Variants in SYNE3 observed in about 807,000 individuals in gnomAD.
The protein encoded by SYNE3 is spectrin repeat containing nuclear envelope family member 3, also known as nesprin-3.
SYNE3 carries 100 observed loss-of-function variants against 111.2 expected under a neutral mutation model. The ratio of observed to expected loss-of-function variants is 0.90; its 90% CI spans 0.77 to 1.06. SYNE3 has a LOEUF of 1.06. SYNE3 is among the 50% of genes least tolerant of loss of function. The probability of loss-of-function intolerance (pLI) is 0.00; values close to 1 mark genes in which losing one functional copy is unlikely to be tolerated. For synonymous variants in SYNE3, 547 were observed against 533.9 expected (o/e 1.02, Z -0.34); for missense variants, 1,160 against 1,240.3 (o/e 0.94, Z 0.97).
intron 1 of SYNE3, among the ~76,000 whole-genome samples, chr14:95,501,520 T>C (rs11160252): frequency 0.18 from 27,348 of 152,126 alleles, 2,635 homozygotes; most frequent in African/African-American, 0.21. Flanking sequence ...AGACCTGCCC[T>C]CGAGGAGCTC....
At chr14:95,450,412 C>CCTG in intron 7 of SYNE3, 1 of 323,082 alleles carries the variant, frequency 3.1e-6, no homozygotes, top group Non-Finnish European at 5.7e-6. Context: ...CGGTGGCTCA[C>CCTG]ACCTGTAGTC....
intron 17 of SYNE3, among the ~76,000 whole-genome samples, chr14:95,430,411 T>G (rs1885691450): frequency 6.6e-6 from 1 of 152,152 alleles, no homozygotes; most frequent in Admixed American, 6.5e-5. Flanking sequence ...TGTTTGTTAT[T>G]CTAAACTGGG....
chr14:95,493,776 C>A (rs1283469280), intron 1 of SYNE3, among the ~76,000 whole-genome samples: 1 of 152,182 alleles, frequency 6.6e-6, no homozygotes, highest in Non-Finnish European at 1.5e-5. Context: ...TAGCCTTGAG[C>A]GCCAGGGTTC....
At chr14:95,510,670 C>T (rs1890690260) in intron 1 of SYNE3, among the ~76,000 whole-genome samples, 1 of 152,132 alleles carries the variant, frequency 6.6e-6, no homozygotes, top group African/African-American at 2.4e-5. Flanking sequence ...TGCCTGTAGT[C>T]CCAGCTACTC....
chr14:95,461,887 C>T (rs1190945134), intron 4 of SYNE3, among the ~76,000 whole-genome samples: 2 of 152,172 alleles, frequency 1.3e-5, no homozygotes, highest in Non-Finnish European at 1.5e-5. Flanking sequence ...TGTGGAGTGC[C>T]CACCCACCTT....
chr14:95,478,812 C>G (rs893029073), intron 1 of SYNE3, among the ~76,000 whole-genome samples: 8 of 152,192 alleles, frequency 5.3e-5, no homozygotes, highest in Admixed American at 1.3e-4. Context: ...AAACACACCA[C>G]GAGGGCACTT....
intron 2 of SYNE3, among the ~76,000 whole-genome samples, chr14:95,475,298 C>G (rs1888810131): frequency 6.6e-6 from 1 of 152,220 alleles, no homozygotes; most frequent in African/African-American, 2.4e-5. Context: ...TGGCAGGGAC[C>G]CCAACCAGGC....
rs555601195 is a variant in SYNE3, at chr14:95,414,371, C to T, written c.*3455G>A. ...TAAAGCAAGGCTGCAAAGTGCCGCC[C>T]AAGGGGCTCAAGCACCCACGAGCAC... On this transcript the variant is annotated 3_prime_UTR_variant, in exon 18 of 18. Coordinates refer to ENST00000682763, the MANE Select transcript of SYNE3 (RefSeq NM_152592.6). 3 of 152,326 alleles carry T rather than the reference C, an allele frequency of 2.0e-5. No individual in the cohort carries two copies. The highest frequency in any genetic ancestry group is 7.2e-5 in the African/African-American group (3 of 41,564). 9.4% of individuals were successfully genotyped at this position (152,326 alleles called of 1,614,324 possible).
intron 1 of SYNE3, among the ~76,000 whole-genome samples, chr14:95,499,512 A>G (rs192269555): frequency 6.5e-4 from 99 of 152,118 alleles, no homozygotes; most frequent in African/African-American, 2.3e-3. Context: ...CTTTGGCATC[A>G]CCACCTCCAG....
chr14:95,422,079 G>C (rs2053941268), intron 17 of SYNE3, among the ~76,000 whole-genome samples: 1 of 152,168 alleles, frequency 6.6e-6, no homozygotes. Flanking sequence ...GCAGTGCTCA[G>C]TAAGTATTTG....
At chr14:95,481,664 G>C (rs1187387692) in intron 1 of SYNE3, among the ~76,000 whole-genome samples, 1 of 152,204 alleles carries the variant, frequency 6.6e-6, no homozygotes, top group African/African-American at 2.4e-5. Flanking sequence ...CCCGCAGGGG[G>C]TCAGCTCTCC....
intron 6 of SYNE3, among the ~76,000 whole-genome samples, chr14:95,454,937 T>C (rs890936467): frequency 2.6e-5 from 4 of 152,186 alleles, no homozygotes; most frequent in African/African-American, 9.7e-5. Flanking sequence ...CGTGGGCCTC[T>C]GCTGCTTGGC....
intron 17 of SYNE3, among the ~76,000 whole-genome samples, chr14:95,428,501 G>A (rs1009814116): frequency 6.6e-6 from 1 of 152,104 alleles, no homozygotes. Flanking sequence ...ACAACATCTG[G>A]GTCTATATTC....
chr14:95,513,151 C>A (rs943529155), intron 1 of SYNE3, among the ~76,000 whole-genome samples: 1 of 152,140 alleles, frequency 6.6e-6, no homozygotes, highest in African/African-American at 2.4e-5. Flanking sequence ...GTAACTGCCC[C>A]CCCGACTCTC....
intron 1 of SYNE3, among the ~76,000 whole-genome samples, chr14:95,478,325 T>C (rs1384095274): frequency 6.6e-6 from 1 of 152,172 alleles, no homozygotes; most frequent in Non-Finnish European, 1.5e-5. Flanking sequence ...TCAGAGGAGC[T>C]TCTTTACCAC....
chr14:95,454,915 A>C (rs1379156106), intron 6 of SYNE3, among the ~76,000 whole-genome samples: 2 of 151,516 alleles, frequency 1.3e-5, no homozygotes, highest in Non-Finnish European at 1.5e-5. Flanking sequence ...TCTGGGAAGC[A>C]CCCCCCACCA....
At chr14:95,482,221 G>A (rs1246507660) in intron 1 of SYNE3, among the ~76,000 whole-genome samples, 2 of 152,202 alleles carry the variant, frequency 1.3e-5, no homozygotes, top group Admixed American at 6.5e-5. Context: ...ATCACCTGAG[G>A]TCAGGAGTTT....
intron 1 of SYNE3, 74 bp from the exon 2 acceptor site, chr14:95,475,909 C>T: frequency 7.5e-7 from 1 of 1,341,920 alleles, no homozygotes; most frequent in Non-Finnish European, 9.6e-7. Context: ...GGCAGGACAC[C>T]TGGGACAGGC....
chr14:95,481,055 G>A (rs1305766384), intron 1 of SYNE3, among the ~76,000 whole-genome samples: 1 of 152,202 alleles, frequency 6.6e-6, no homozygotes, highest in African/African-American at 2.4e-5. Flanking sequence ...GCTGACTGGG[G>A]CAGGTGTGGG....
Sources: gnomAD v4.1 joint callset for allele counts (sites outside exome capture counted in the v4.1 genomes callset) on GRCh38, gnomAD v4.1.1 for gene constraint, MANE v1.5 for transcripts, NCBI Gene and HGNC (gene_info 2026-07-23, HGNC 2026-07-21) for gene names.